Variants in RGL1 observed in about 807,000 individuals in gnomAD.
RGL1 encodes the protein ral guanine nucleotide dissociation stimulator-like 1.
RGL1 carries 24 observed loss-of-function variants against 95.2 expected under a neutral mutation model. That is an observed-to-expected ratio of 0.25 (90% CI 0.18 to 0.35). The LOEUF is 0.35. Ranked by LOEUF, RGL1 falls within the 10% of genes least tolerant of loss-of-function variation. RGL1 has a pLI of 1.00. For synonymous variants in RGL1, 329 were observed against 344.9 expected, an observed-to-expected ratio of 0.95 and a Z score of 0.51; for missense variants, 715 against 936.3, an observed-to-expected ratio of 0.76 and a Z score of 3.08.
In RGL1 at chr1:183,774,264, C is replaced by T. The variant is rs147360905; in HGVS notation, c.132+31975C>T. The stretch of plus-strand genomic sequence containing the variant: ...AAGCAGGTGCTGGCCACTAAGCAGA[C>T]ATAAGAATGTGAACTGAGAACTGAG... On this transcript the variant is annotated intron_variant, in intron 2 of 18. Coordinates refer to the RGL1 transcript ENST00000304685. 1.4e-4 allele frequency among the ~76,000 whole-genome samples: 22 copies of T among 152,238 alleles called. No homozygotes were observed. In the East Asian group the frequency reaches 4.2e-3, roughly 29 times the overall value.
chr1:183,922,135 C>A, intron 16 of RGL1, 87 bp from the exon 17 acceptor site: 1 of 1,089,214 alleles, frequency 9.2e-7, no homozygotes, highest in Non-Finnish European at 1.4e-6. Context: ...CATCACAACA[C>A]AAGACAGCAA....
chr1:183,665,748 A>T (rs1022244084), intron 1 of RGL1, among the ~76,000 whole-genome samples: 2 of 151,978 alleles, frequency 1.3e-5, no homozygotes, highest in Non-Finnish European at 2.9e-5. Context: ...TTCATTTCTG[A>T]TATTAGTAAT....
intron 1 of RGL1, among the ~76,000 whole-genome samples, chr1:183,708,963 C>A (rs1363408196): frequency 6.6e-6 from 1 of 152,130 alleles, no homozygotes; most frequent in East Asian, 1.9e-4. Flanking sequence ...CACCACAAGG[C>A]GGTGTGGAGC....
intron 2 of RGL1, among the ~76,000 whole-genome samples, chr1:183,761,584 G>A (rs60359142): frequency 6.6e-6 from 1 of 152,248 alleles, no homozygotes; most frequent in African/African-American, 2.4e-5. Flanking sequence ...TAATTCCTAA[G>A]GGCTCTAGGA....
At chr1:183,658,678 T>C (rs1429605502) in intron 1 of RGL1, among the ~76,000 whole-genome samples, 2 of 151,882 alleles carry the variant, frequency 1.3e-5, no homozygotes, top group African/African-American at 2.4e-5. Flanking sequence ...GACTTAAGTG[T>C]CCCTGTCTGA....
At chr1:183,917,712 A>T (rs1054080495) in intron 16 of RGL1, among the ~76,000 whole-genome samples, 4 of 152,248 alleles carry the variant, frequency 2.6e-5, no homozygotes, top group Non-Finnish European at 4.4e-5. Context: ...TTAATTAGAA[A>T]GGGAGCCCAC....
intron 2 of RGL1, among the ~76,000 whole-genome samples, chr1:183,792,543 C>T (rs1660486802): frequency 6.6e-6 from 1 of 152,080 alleles, no homozygotes; most frequent in Admixed American, 6.5e-5. Context: ...TCCCTCTTTG[C>T]AGACAACATG....
intron 1 of RGL1, among the ~76,000 whole-genome samples, chr1:183,678,892 G>T (rs1558149287): frequency 6.6e-6 from 1 of 152,188 alleles, no homozygotes; most frequent in Non-Finnish European, 1.5e-5. Flanking sequence ...GTCACTGTTA[G>T]TCCCCTTTTA....
chr1:183,866,639 G>GGCT (rs1399600844), intron 4 of RGL1, among the ~76,000 whole-genome samples: 1 of 152,134 alleles, frequency 6.6e-6, no homozygotes, highest in Non-Finnish European at 1.5e-5. Context: ...GCAGGAAGGT[G>GGCT]GCCACTCACA....
intron 1 of RGL1, among the ~76,000 whole-genome samples, chr1:183,692,264 T>G (rs1349443746): frequency 6.6e-6 from 1 of 152,244 alleles, no homozygotes; most frequent in Non-Finnish European, 1.5e-5. Context: ...TGGCCATTCC[T>G]AAGTCTTGGG....
intron 2 of RGL1, among the ~76,000 whole-genome samples, chr1:183,809,293 A>G (rs911853339): frequency 5.3e-5 from 8 of 152,254 alleles, no homozygotes; most frequent in Non-Finnish European, 8.8e-5. Context: ...CAAAATAATT[A>G]CATATCCTCA....
chr1:183,919,166 T>C (rs1012654326), intron 16 of RGL1, among the ~76,000 whole-genome samples: 2 of 152,264 alleles, frequency 1.3e-5, no homozygotes, highest in East Asian at 3.8e-4. Flanking sequence ...TGCATGTTAA[T>C]GTAAATTTTA....
intron 3 of RGL1, among the ~76,000 whole-genome samples, chr1:183,855,508 A>G (rs113026466): frequency 3.0e-4 from 46 of 152,380 alleles, no homozygotes; most frequent in African/African-American, 1.0e-3. Context: ...TCATGCTGGC[A>G]TGCAGTGTTC....
At chr1:183,742,399 C>G (rs1572355715) in intron 2 of RGL1, 1 of 1,280,814 alleles carries the variant, frequency 7.8e-7, no homozygotes, top group Non-Finnish European at 1.1e-6. Flanking sequence ...AATCTTTATT[C>G]AGGGGCTGTA....
chr1:183,904,272 G>A (rs945874147), intron 12 of RGL1, among the ~76,000 whole-genome samples: 4 of 151,990 alleles, frequency 2.6e-5, no homozygotes, highest in Non-Finnish European at 5.9e-5. Flanking sequence ...ATTTAGTGGC[G>A]TAGTAAAAAC....
upstream of RGL1, among the ~76,000 whole-genome samples, chr1:183,802,114 ATAAATG>A (rs1661025156): frequency 6.6e-6 from 1 of 152,244 alleles, no homozygotes; most frequent in Non-Finnish European, 1.5e-5. Flanking sequence ...ATGGTGTAAA[ATAAATG>A]TCCAATTTCA....
chr1:183,707,673 G>T (rs934886566), intron 1 of RGL1, among the ~76,000 whole-genome samples: 11 of 151,982 alleles, frequency 7.2e-5, no homozygotes, highest in African/African-American at 2.7e-4. Context: ...AGGACAATGG[G>T]TACAGGCAAT....
At chr1:183,830,737 G>T (rs1288485785) in intron 2 of RGL1, among the ~76,000 whole-genome samples, 1 of 151,622 alleles carries the variant, frequency 6.6e-6, no homozygotes, top group Non-Finnish European at 1.5e-5. Context: ...ACCAAATATA[G>T]AATTAATTGG....
intron 1 of RGL1, among the ~76,000 whole-genome samples, chr1:183,662,775 C>G (rs1167294513): frequency 2.0e-5 from 3 of 152,128 alleles, no homozygotes; most frequent in African/African-American, 7.2e-5. Context: ...GCCAAAAGAA[C>G]AAAGCTGGAG....
Sources: gnomAD v4.1 joint callset for allele counts (sites outside exome capture counted in the v4.1 genomes callset) on GRCh38, gnomAD v4.1.1 for gene constraint, MANE v1.5 for transcripts, NCBI Gene and HGNC (gene_info 2026-07-23, HGNC 2026-07-21) for gene names.